INTS7: variants seen among roughly 807,000 people sequenced by gnomAD.
INTS7 encodes the protein chromosome 1 open reading frame 73.
Under a neutral mutation model 109.2 loss-of-function variants are expected in INTS7, and 46 were observed. That is an observed-to-expected ratio of 0.42 (90% CI 0.33 to 0.54). The LOEUF (loss-of-function observed/expected upper bound fraction) is 0.54. INTS7 is among the 20% of genes least tolerant of loss of function. INTS7 has a pLI of 0.07. For missense variants in INTS7, 929 were observed against 1,132.4 expected (o/e 0.82, Z 2.58); for synonymous variants, 412 against 402.9 (o/e 1.02, Z -0.27).
At chr1:211,991,122 T>A (rs958999971) in intron 7 of INTS7, among the ~76,000 whole-genome samples, 5 of 152,154 alleles carry the variant, frequency 3.3e-5, no homozygotes, top group Non-Finnish European at 7.4e-5. Flanking sequence ...TCAGTAAGTA[T>A]TACAAACTTT....
At chr1:212,018,249 A>AT (rs996303036) in intron 3 of INTS7, among the ~76,000 whole-genome samples, 4 of 151,454 alleles carry the variant, frequency 2.6e-5, no homozygotes, top group African/African-American at 9.7e-5. Context: ...TTTCAATCTA[A>AT]TTTTTTTTTC....
At chr1:211,992,380 T>G (rs1441134117) in intron 7 of INTS7, among the ~76,000 whole-genome samples, 2 of 152,162 alleles carry the variant, frequency 1.3e-5, no homozygotes, top group African/African-American at 4.8e-5. Flanking sequence ...AAACTGAATA[T>G]TAGAAAATCT....
chr1:211,962,030 A>T (rs1005683991), intron 16 of INTS7, among the ~76,000 whole-genome samples: 3 of 152,162 alleles, frequency 2.0e-5, no homozygotes, highest in African/African-American at 7.2e-5. Flanking sequence ...ATACATCAAT[A>T]CTAACCTTTA....
rs1254946077 is a variant in INTS7, at chr1:211,941,961, A to G, written c.2752T>C (p.Trp918Arg). The G allele has an allele frequency of 6.2e-7, 1 of 1,614,084 alleles. No individual in the cohort carries two copies. The highest frequency in any genetic ancestry group is 8.5e-7 in the Non-Finnish European group (1 of 1,180,042). The change falls in exon 20 of 20, where the codon TGG becomes CGG. Residue 918 changes from tryptophan (W) to arginine (R), a missense_variant. Around this residue, in one of 2 missense-constraint regions of INTS7, gnomAD observed 787 missense variants for 901.1 expected, o/e 0.87. Coordinates refer to ENST00000366994, the MANE Select transcript of INTS7 (RefSeq NM_015434.4). The part of the protein sequence containing the change: ...SSVKDANGIV[W>R]KTGPRTTIFV... ...ATGGTAGTTCTGGGACCAGTCTTCC[A>G]TACTATACCATTGGCATCTTTCACA...
At chr1:211,943,874 C>T (rs1484939710) in intron 19 of INTS7, among the ~76,000 whole-genome samples, 1 of 152,194 alleles carries the variant, frequency 6.6e-6, no homozygotes, top group Non-Finnish European at 1.5e-5. Context: ...CAACTGTGGA[C>T]TTGGTCCCTT....
chr1:211,944,182 AT>A lies in INTS7; in HGVS notation c.2601+601del, dbSNP rs926988267. 1.4e-4 allele frequency among the ~76,000 whole-genome samples: 21 copies of A among 149,226 alleles called. No individual in the cohort carries two copies. In the East Asian group the frequency reaches 4.1e-3, roughly 29 times the overall value. On this transcript the variant is annotated intron_variant, in intron 19 of 19. Transcript: ENST00000366994. The stretch of plus-strand genomic sequence containing the variant: ...AATGGAGAAAACTAAATAGATGTGT[AT>A]TTTTTGTGGGGAGGGATTGGGTGGG...
intron 7 of INTS7, among the ~76,000 whole-genome samples, chr1:211,997,540 AAAAAAAAAAAG>A (rs1196905245): frequency 2.7e-5 from 4 of 150,782 alleles, no homozygotes; most frequent in Admixed American, 1.3e-4. Flanking sequence ...AAAAAAAAAA[AAAAAAAAAAAG>A]GGAGAGATGT....
intron 3 of INTS7, among the ~76,000 whole-genome samples, chr1:212,017,868 G>T (rs945696714): frequency 2.0e-5 from 3 of 152,122 alleles, no homozygotes; most frequent in Non-Finnish European, 4.4e-5. Flanking sequence ...ACTGTTAGTA[G>T]CAAGAAACTA....
rs748317237 is a variant in INTS7, at chr1:212,035,485, T to C, written c.-48A>G. The stretch of plus-strand genomic sequence containing the variant: ...GCCTAGTCAGAAAGCTTGCAAACTC[T>C]ACCCCAGGACCGCCATCTTCCCCCG... On this transcript the variant is annotated 5_prime_UTR_variant, in exon 1 of 20. An upstream open reading frame in the 5' UTR loses its in-frame stop. Coordinates refer to ENST00000366994, the MANE Select transcript of INTS7 (RefSeq NM_015434.4). The C allele has an allele frequency of 1.7e-5, 24 of 1,374,352 alleles. No individual in the cohort carries two copies. The highest frequency in any genetic ancestry group is 2.4e-5 in the Non-Finnish European group (23 of 961,838). 85.1% of individuals were successfully genotyped at this position (1,374,352 alleles called of 1,614,324 possible).
rs773231914 is a variant in INTS7 at position 211,941,378 on chromosome 1, T to G, written c.*446A>C. 7.0e-4 allele frequency: 107 copies of G among 153,452 alleles called. 1 individual carries two copies. The highest frequency in any genetic ancestry group is 3.4e-3 in the Middle Eastern group (1 of 296). 9.5% of individuals were successfully genotyped at this position (153,452 alleles called of 1,614,324 possible). A position where few individuals can be genotyped will look rare whatever the true frequency, so the allele number is the denominator to read the frequency against. On this transcript the variant is annotated 3_prime_UTR_variant, in exon 20 of 20. Coordinates refer to ENST00000366994, the MANE Select transcript of INTS7 (RefSeq NM_015434.4). ...TTTCAGACAAAATGTATTTATTTAT[T>G]TTTTTGAGACGGAGTCTCGCTCTGT...
At chr1:211,977,827 T>A (rs1267685037) in intron 11 of INTS7, among the ~76,000 whole-genome samples, 2 of 152,196 alleles carry the variant, frequency 1.3e-5, no homozygotes, top group African/African-American at 4.8e-5. Context: ...GGTCCTGGAA[T>A]GGAAAACATA....
At chr1:211,961,839 G>T (rs1226675545) in intron 16 of INTS7, among the ~76,000 whole-genome samples, 1 of 152,132 alleles carries the variant, frequency 6.6e-6, no homozygotes, top group Non-Finnish European at 1.5e-5. Context: ...AATGCTGAGG[G>T]AATTTGTTAT....
At position 211,946,787 on chromosome 1, in the gene INTS7, A is replaced by C; in HGVS notation, c.2317-82T>G. 1.2e-6 allele frequency: 1 copy of C among 862,164 alleles called. No homozygotes were observed. Among genetic ancestry groups the C allele is most frequent in the East Asian group, 2.6e-5 (1 of 38,138 alleles). 53.4% of individuals were successfully genotyped at this position (862,164 alleles called of 1,614,324 possible). On this transcript the variant is annotated intron_variant, in intron 17 of 19. Transcript: ENST00000366994. The surrounding 1 kb of genome is among the most constrained non-coding windows in gnomAD (Gnocchi z 4.3). ...AGTGGTACATTCAGTATAAAACTAC[A>C]AATGCCCATATAGATTATTACAAAG...
chr1:211,992,645 A>G (rs1233450933), intron 7 of INTS7, among the ~76,000 whole-genome samples: 1 of 152,136 alleles, frequency 6.6e-6, no homozygotes, highest in East Asian at 1.9e-4. Flanking sequence ...ATTGTGGTAC[A>G]GCACTCCAGC....
At chr1:211,969,408 T>C (rs1158288003) in intron 13 of INTS7, among the ~76,000 whole-genome samples, 1 of 151,954 alleles carries the variant, frequency 6.6e-6, no homozygotes, top group Non-Finnish European at 1.5e-5. Context: ...TGGAACCTTG[T>C]AAAGTCGGGG....
rs751576938 is a variant in INTS7, at chr1:211,968,606, A to G, written c.1917T>C (p.Asn639=). 1.2e-6 allele frequency: 2 copies of G among 1,614,038 alleles called. No homozygotes were observed. Among genetic ancestry groups the G allele is most frequent in the Non-Finnish European group, 1.7e-6 (2 of 1,179,962 alleles). Residue 639 remains asparagine, a synonymous_variant, in exon 14 of 20, where the codon AAT becomes AAC. Transcript: ENST00000366994. ...QAFSQLICTC[N]SLKTSPPPAI... is the part of the protein sequence containing the mutation. ...CAGGTGGTGGGCTTGTCTTCAGGCT[A>G]TTACAAGTACAGATAAGTTGAGAGA... is the stretch of plus-strand genomic sequence containing the variant.
chr1:211,965,776 C>T (rs944493788), intron 16 of INTS7, among the ~76,000 whole-genome samples: 2 of 152,132 alleles, frequency 1.3e-5, no homozygotes. Context: ...GAACACCACA[C>T]ACTGGGGCCT....
Position 211,975,251 on chromosome 1 carries a change from C to T in INTS7, c.1730G>A (p.Gly577Glu). ...TGAACTATAATTTTCCTCTTGCAAC[C>T]CAGTGAGACACTGTTCTGCATGTGA... ...EFSHAEQCLT[G>E]LQEENYSSAL... Residue 577 changes from glycine (G) to glutamate (E), a missense_variant, in exon 13 of 20, where the codon GGG (glycine) becomes GAG (glutamate). By Grantham distance (98) the Gly-to-Glu change is moderately conservative. This residue lies in a region of INTS7 where 787 missense variants were observed against 901.1 expected (regional missense o/e 0.87). Transcript: ENST00000366994. 6.2e-7 allele frequency: 1 copy of T among 1,613,596 alleles called. No individual in the cohort carries two copies. The highest frequency in any genetic ancestry group is 1.3e-5 in the African/African-American group (1 of 75,004).
At chr1:212,004,484 A>G (rs1305706664) in intron 7 of INTS7, among the ~76,000 whole-genome samples, 1 of 152,224 alleles carries the variant, frequency 6.6e-6, no homozygotes, top group African/African-American at 2.4e-5. Context: ...AGTGATATTA[A>G]TATCAGACGA....
Sources: gnomAD v4.1 joint callset for allele counts (sites outside exome capture counted in the v4.1 genomes callset) on GRCh38, gnomAD v4.1.1 for gene constraint, gnomAD v4.1.1 regional missense constraint, Gnocchi (gnomAD v3.1) non-coding constraint, MANE v1.5 for transcripts, NCBI Gene and HGNC (gene_info 2026-07-23, HGNC 2026-07-21) for gene names.